SUCLG2: variants seen among roughly 807,000 people sequenced by gnomAD.
The protein encoded by SUCLG2 is succinate-CoA ligase GDP-forming subunit beta.
A neutral mutation model predicts 47.9 loss-of-function variants in SUCLG2; 42 were observed. That is an observed-to-expected ratio of 0.88 (90% CI 0.69 to 1.14). The LOEUF (loss-of-function observed/expected upper bound fraction) is 1.14. SUCLG2 is among the 50% of genes most tolerant of loss of function. SUCLG2 has a pLI of 0.00. For synonymous variants in SUCLG2, 195 were observed against 197.3 expected, an observed-to-expected ratio of 0.99 and a Z score of 0.10; for missense variants, 571 against 525.9, an observed-to-expected ratio of 1.09 and a Z score of -0.84.
intron 9 of SUCLG2, among the ~76,000 whole-genome samples, chr3:67,472,323 C>A (rs1259763463): frequency 6.6e-6 from 1 of 152,140 alleles, no homozygotes; most frequent in Non-Finnish European, 1.5e-5. Context: ...TCCTTTCATG[C>A]TGGATGTGAA....
downstream of SUCLG2, among the ~76,000 whole-genome samples, chr3:67,370,931 C>T (rs1349310764): frequency 6.6e-6 from 1 of 152,064 alleles, no homozygotes; most frequent in Non-Finnish European, 1.5e-5. Context: ...CTTTTTAATA[C>T]AAGGTCCTTC....
At chr3:67,392,940 G>C (rs1047191937) in intron 10 of SUCLG2, among the ~76,000 whole-genome samples, 1 of 151,954 alleles carries the variant, frequency 6.6e-6, no homozygotes, top group Non-Finnish European at 1.5e-5. Context: ...TCAGTCTCCT[G>C]CTCAGCTGGG....
At chr3:67,619,546 G>A (rs951331527) in intron 1 of SUCLG2, among the ~76,000 whole-genome samples, 8 of 152,194 alleles carry the variant, frequency 5.3e-5, no homozygotes, top group African/African-American at 1.9e-4. Context: ...GGAAGGTACA[G>A]AGCTGTACCG....
chr3:67,643,504 C>T (rs924432476), intron 1 of SUCLG2, among the ~76,000 whole-genome samples: 5 of 152,150 alleles, frequency 3.3e-5, no homozygotes, highest in African/African-American at 9.7e-5. Flanking sequence ...TTCTGTCCTC[C>T]AAGGCTGTAT....
chr3:67,506,829 C>A (rs1705650221), intron 7 of SUCLG2, among the ~76,000 whole-genome samples: 1 of 152,188 alleles, frequency 6.6e-6, no homozygotes, highest in Non-Finnish European at 1.5e-5. Flanking sequence ...GTATTCCCTG[C>A]CAAACTGGAG....
intron 10 of SUCLG2, among the ~76,000 whole-genome samples, chr3:67,367,363 T>C (rs1701890659): frequency 6.6e-6 from 1 of 152,224 alleles, no homozygotes; most frequent in Non-Finnish European, 1.5e-5. Context: ...AGAACATTTG[T>C]AAATTAGTTC....
At chr3:67,458,908 A>G (rs973729692) in intron 9 of SUCLG2, among the ~76,000 whole-genome samples, 1 of 152,250 alleles carries the variant, frequency 6.6e-6, no homozygotes, top group Non-Finnish European at 1.5e-5. Context: ...ATTTGTGTTC[A>G]GGAAAGTCTT....
chr3:67,628,910 C>T (rs9834508), intron 1 of SUCLG2, among the ~76,000 whole-genome samples: 3 of 152,142 alleles, frequency 2.0e-5, no homozygotes, highest in African/African-American at 4.8e-5. Flanking sequence ...CATGTTAACA[C>T]AGGAGAACGT....
intron 10 of SUCLG2, among the ~76,000 whole-genome samples, chr3:67,393,474 T>C (rs181591997): frequency 0.07 from 10,643 of 151,568 alleles, 387 homozygotes; most frequent in Middle Eastern, 0.12. Flanking sequence ...GGGGGAGGGG[T>C]GCCTGCCATG....
chr3:67,390,875 G>T (rs570076398), intron 10 of SUCLG2, among the ~76,000 whole-genome samples: 2 of 152,202 alleles, frequency 1.3e-5, no homozygotes, highest in Admixed American at 6.5e-5. Flanking sequence ...AATTTTTTAA[G>T]AATTCCTTTT....
At position 67,522,074 on chromosome 3, in the gene SUCLG2, A is replaced by G. The variant is rs141214690; in HGVS notation, c.418-1440T>C. ...TTTATTTATTTGTTTATTCATTTTG[A>G]GATGGTCTTGCTGTGTTGCTCTCAG... On this transcript the variant is annotated intron_variant, in intron 4 of 10. Transcript: ENST00000307227. Among the ~76,000 whole-genome samples, 881 of 151,710 alleles carry G rather than the reference A, an allele frequency of 5.8e-3. 25 individuals carry two copies. The highest frequency in any genetic ancestry group is 0.021 in the African/African-American group (852 of 41,258).
At chr3:67,427,380 C>T (rs1201412010) in intron 9 of SUCLG2, among the ~76,000 whole-genome samples, 1 of 152,054 alleles carries the variant, frequency 6.6e-6, no homozygotes, top group East Asian at 1.9e-4. Flanking sequence ...TTCAGAAATG[C>T]CTTAATATCA....
At chr3:67,459,763 T>C (rs1482085831) in intron 9 of SUCLG2, among the ~76,000 whole-genome samples, 1 of 152,216 alleles carries the variant, frequency 6.6e-6, no homozygotes, top group Non-Finnish European at 1.5e-5. Context: ...TGGTGGTAGA[T>C]AGGCCTGGGA....
At chr3:67,506,751 C>CT (rs1389105288) in intron 7 of SUCLG2, among the ~76,000 whole-genome samples, 4 of 152,196 alleles carry the variant, frequency 2.6e-5, no homozygotes, top group African/African-American at 4.8e-5. Context: ...AATATATGAC[C>CT]TTTAAGAACT....
chr3:67,376,588 A>G, intron 10 of SUCLG2: 1 of 797,252 alleles, frequency 1.3e-6, no homozygotes, highest in Non-Finnish European at 1.5e-6. Context: ...TCTAGTTGGC[A>G]AGACAGAGCC....
chr3:67,434,090 AAGTAC>A (rs1241919773), intron 9 of SUCLG2, among the ~76,000 whole-genome samples: 3 of 152,194 alleles, frequency 2.0e-5, no homozygotes, highest in African/African-American at 7.2e-5. Context: ...CAAATCACTA[AAGTAC>A]GAGTAACTGC....
At chr3:67,613,968 G>A (rs1700579129) in intron 1 of SUCLG2, among the ~76,000 whole-genome samples, 1 of 152,176 alleles carries the variant, frequency 6.6e-6, no homozygotes, top group South Asian at 2.1e-4. Flanking sequence ...AAGGTAAAAT[G>A]TAACTACTCC....
chr3:67,580,103 G>T (rs868268324), intron 2 of SUCLG2, among the ~76,000 whole-genome samples: 75 of 152,054 alleles, frequency 4.9e-4, no homozygotes, highest in African/African-American at 1.7e-3. Context: ...TCTTAATTAT[G>T]TTACTACTAT....
intron 9 of SUCLG2, chr3:67,408,988 G>A (rs1398629447): frequency 6.5e-7 from 1 of 1,535,460 alleles, no homozygotes; most frequent in Non-Finnish European, 8.7e-7. Flanking sequence ...GTGCTTCTGA[G>A]TCCTGTATTC....
Sources: allele counts gnomAD v4.1 joint callset (sites outside exome capture counted in the v4.1 genomes callset), GRCh38; gene constraint gnomAD v4.1.1; transcripts MANE v1.5; gene names NCBI Gene and HGNC (gene_info 2026-07-23, HGNC 2026-07-21).